ICA1: variants seen among roughly 807,000 people sequenced by gnomAD.
The protein encoded by ICA1 is islet cell autoantigen 1.
ICA1 carries 40 observed loss-of-function variants against 71.0 expected under a neutral mutation model. That is an observed-to-expected ratio of 0.56 (90% CI 0.44 to 0.73). The LOEUF is 0.73. ICA1 is among the 30% of genes least tolerant of loss of function. The pLI, the probability that ICA1 is intolerant of heterozygous loss-of-function variation, is 0.00. For synonymous variants in ICA1, 207 were observed against 209.5 expected, an observed-to-expected ratio of 0.99 and a Z score of 0.10; for missense variants, 578 against 576.5, an observed-to-expected ratio of 1.00 and a Z score of -0.03.
At chr7:8,203,173 T>C (rs3757517) in intron 6 of ICA1, among the ~76,000 whole-genome samples, 17,945 of 152,184 alleles carry the variant, frequency 0.12, 1,142 homozygotes, top group Middle Eastern at 0.16. Flanking sequence ...ATAAACAAAA[T>C]AAGTAATTTT....
chr7:8,218,874 G>T, intron 5 of ICA1: 1 of 345,060 alleles, frequency 2.9e-6, no homozygotes, highest in Non-Finnish European at 5.6e-6. Context: ...GGCCCTTTGA[G>T]GAGGAATGGA....
Position 8,176,014 on chromosome 7 carries a change from C to T in ICA1, c.580-17362G>A, listed in dbSNP as rs779439782. ...TTATGGAGGGCCTCCTGTTTTACAA[C>T]TGTTTCATTCTGCAACTCCCCTCAT... On this transcript the variant is annotated intron_variant, in intron 6 of 13. Coordinates refer to ENST00000402384, the MANE Select transcript of ICA1 (RefSeq NM_001136020.3). Among the ~76,000 whole-genome samples, 38 of 152,322 alleles carry T rather than the reference C, an allele frequency of 2.5e-4. 1 individual carries two copies. The highest frequency in any genetic ancestry group is 3.4e-3 in the Middle Eastern group (1 of 294).
intron 8 of ICA1, among the ~76,000 whole-genome samples, chr7:8,149,763 C>T (rs1798178775): frequency 6.6e-6 from 1 of 151,900 alleles, no homozygotes; most frequent in African/African-American, 2.4e-5. Context: ...TATGAAGGTG[C>T]CAAGTAATTG....
At chr7:8,206,974 G>T (rs920428533) in intron 6 of ICA1, among the ~76,000 whole-genome samples, 6 of 152,156 alleles carry the variant, frequency 3.9e-5, no homozygotes, top group Non-Finnish European at 5.9e-5. Flanking sequence ...TTGTAAGCAT[G>T]GCTGAGTCCC....
intron 6 of ICA1, among the ~76,000 whole-genome samples, chr7:8,168,139 C>T (rs1806848461): frequency 1.3e-5 from 2 of 152,094 alleles, no homozygotes. Flanking sequence ...AACTCCTCTG[C>T]TTGCCTCAAT....
intron 6 of ICA1, among the ~76,000 whole-genome samples, chr7:8,165,386 T>C (rs975446903): frequency 6.6e-6 from 1 of 152,224 alleles, no homozygotes; most frequent in East Asian, 1.9e-4. Flanking sequence ...TCAGGATCTA[T>C]TTTTGGTCTC....
At chr7:8,120,407 T>C (rs1786451907) in intron 13 of ICA1, among the ~76,000 whole-genome samples, 1 of 152,164 alleles carries the variant, frequency 6.6e-6, no homozygotes, top group Non-Finnish European at 1.5e-5. Flanking sequence ...GCAATGAGGG[T>C]AATTATGGAT....
chr7:8,126,627 A>C (rs1188333708), intron 13 of ICA1, among the ~76,000 whole-genome samples: 2 of 152,102 alleles, frequency 1.3e-5, no homozygotes, highest in African/African-American at 4.8e-5. Flanking sequence ...ATAGCCCATA[A>C]TTACTTAATT....
intron 13 of ICA1, among the ~76,000 whole-genome samples, chr7:8,119,342 A>T (rs1181741822): frequency 6.6e-6 from 1 of 152,200 alleles, no homozygotes; most frequent in Non-Finnish European, 1.5e-5. Flanking sequence ...CCCATTTCAA[A>T]AACATGCACG....
chr7:8,244,074 G>C (rs898368550), intron 1 of ICA1, among the ~76,000 whole-genome samples: 2 of 152,092 alleles, frequency 1.3e-5, no homozygotes, highest in African/African-American at 2.4e-5. Context: ...AGTTCATATG[G>C]AATCAAAAAA....
At chr7:8,214,410 G>A (rs779971889) in intron 6 of ICA1, among the ~76,000 whole-genome samples, 8 of 152,142 alleles carry the variant, frequency 5.3e-5, no homozygotes, top group East Asian at 1.9e-4. Context: ...AAAATACCTC[G>A]TGGTCTTGGG....
chr7:8,123,815 G>A lies in ICA1; in HGVS notation c.1330+4058C>T, dbSNP rs1787963085. 6.6e-6 allele frequency among the ~76,000 whole-genome samples: 1 copy of A among 152,174 alleles called. No homozygotes were observed. Among genetic ancestry groups the A allele is most frequent in the African/African-American group, 2.4e-5 (1 of 41,450 alleles). On this transcript the variant is annotated intron_variant, in intron 13 of 13. Transcript: ENST00000402384. The surrounding 1 kb of genome is among the most constrained non-coding windows in gnomAD (Gnocchi z 4.1). Reference sequence around the variant, plus strand: ...CCCTTTTGCTCTCAGAGACTGTACTGAGAGGCCAGAGAAGGGAATGGTGAA... The same window carrying A: ...CCCTTTTGCTCTCAGAGACTGTACTAAGAGGCCAGAGAAGGGAATGGTGAA...
At chr7:8,215,955 C>T (rs75442886) in intron 6 of ICA1, among the ~76,000 whole-genome samples, 2,026 of 152,252 alleles carry the variant, frequency 0.013, 43 homozygotes, top group African/African-American at 0.047. Context: ...CCTACTGGGA[C>T]AAAACACTAA....
chr7:8,137,781 A>G (rs1793917469), intron 12 of ICA1, among the ~76,000 whole-genome samples: 1 of 152,248 alleles, frequency 6.6e-6, no homozygotes, highest in Non-Finnish European at 1.5e-5. Context: ...AAACCCTGAA[A>G]ACTTAATGCT....
intron 6 of ICA1, among the ~76,000 whole-genome samples, chr7:8,184,335 C>CA (rs1252299129): frequency 1.3e-5 from 2 of 152,150 alleles, no homozygotes; most frequent in African/African-American, 4.8e-5. Flanking sequence ...AAGAGGATTA[C>CA]AGGAAGGGCA....
chr7:8,135,129 C>A (rs112668087), intron 12 of ICA1, among the ~76,000 whole-genome samples: 2 of 152,044 alleles, frequency 1.3e-5, no homozygotes, highest in Non-Finnish European at 2.9e-5. Context: ...CGGGTTCAAG[C>A]GATTCTTCTG....
intron 8 of ICA1, among the ~76,000 whole-genome samples, chr7:8,152,478 C>T (rs949377997): frequency 6.6e-6 from 1 of 151,488 alleles, no homozygotes; most frequent in African/African-American, 2.4e-5. Flanking sequence ...GCAACAACCA[C>T]CACAACCATT....
chr7:8,192,084 T>G (rs777144013), intron 6 of ICA1, among the ~76,000 whole-genome samples: 4 of 152,166 alleles, frequency 2.6e-5, no homozygotes, highest in Non-Finnish European at 5.9e-5. Flanking sequence ...ATATATTTCC[T>G]AAAAATAGGG....
At chr7:8,239,418 C>T (rs981060759) in intron 1 of ICA1, among the ~76,000 whole-genome samples, 2 of 152,192 alleles carry the variant, frequency 1.3e-5, no homozygotes, top group African/African-American at 4.8e-5. Flanking sequence ...TAGAAATAGA[C>T]TATGAGCACA....
Sources: gnomAD v4.1 joint callset for allele counts (sites outside exome capture counted in the v4.1 genomes callset) on GRCh38, gnomAD v4.1.1 for gene constraint, Gnocchi (gnomAD v3.1) non-coding constraint, MANE v1.5 for transcripts, NCBI Gene and HGNC (gene_info 2026-07-23, HGNC 2026-07-21) for gene names.